The following SPRED2 variants were observed in gnomAD, a reference collection of about 807,000 sequenced individuals.
SPRED2 encodes the protein sprouty related EVH1 domain containing 2.
Under a neutral mutation model 43.0 loss-of-function variants are expected in SPRED2, and 47 were observed. That is an observed-to-expected ratio of 1.09 (90% CI 0.87 to 1.40). The LOEUF is 1.40. Among genes scored for constraint, SPRED2 ranks in the 40% most tolerant of loss-of-function variants. The pLI is 0.00. For missense variants in SPRED2, 561 were observed against 586.4 expected (o/e 0.96, Z 0.45); for synonymous variants, 225 against 225.7 (o/e 1.00, Z 0.03).
intron 1 of SPRED2, among the ~76,000 whole-genome samples, chr2:65,396,705 G>A (rs1558683422): frequency 6.6e-6 from 1 of 152,186 alleles, no homozygotes; most frequent in Non-Finnish European, 1.5e-5. Flanking sequence ...ACTATACAAA[G>A]TGAAGTGAAG....
chr2:65,310,308 C>T (rs1673034294), downstream of SPRED2, among the ~76,000 whole-genome samples: 1 of 152,112 alleles, frequency 6.6e-6, no homozygotes, highest in South Asian at 2.1e-4. Context: ...AGACCTCATA[C>T]TTTATTTCCT....
At chr2:65,337,086 C>A (rs890935125) in intron 2 of SPRED2, among the ~76,000 whole-genome samples, 3 of 151,558 alleles carry the variant, frequency 2.0e-5, no homozygotes, top group Admixed American at 6.6e-5. Flanking sequence ...CCAGCCTGGG[C>A]GAAAGAGCAA....
chr2:65,321,714 T>C (rs1018507127), intron 4 of SPRED2, among the ~76,000 whole-genome samples: 2 of 152,128 alleles, frequency 1.3e-5, no homozygotes, highest in Non-Finnish European at 2.9e-5. Context: ...ATCTGTAAAA[T>C]TGGGCCAAAA....
intron 1 of SPRED2, among the ~76,000 whole-genome samples, chr2:65,375,533 C>G (rs1194778921): frequency 2.6e-5 from 4 of 152,184 alleles, no homozygotes; most frequent in Non-Finnish European, 5.9e-5. Context: ...ATTAAAAGGA[C>G]AGCTCTCAAG....
At chr2:65,390,457 T>G (rs887548311) in intron 1 of SPRED2, among the ~76,000 whole-genome samples, 2 of 152,042 alleles carry the variant, frequency 1.3e-5, no homozygotes, top group Non-Finnish European at 2.9e-5. Context: ...ATCGTTACTG[T>G]TGAGAGAGGC....
At chr2:65,335,358 C>T (rs900965489) in intron 2 of SPRED2, among the ~76,000 whole-genome samples, 3 of 152,144 alleles carry the variant, frequency 2.0e-5, no homozygotes, top group African/African-American at 7.2e-5. Context: ...GTTGCTGCCA[C>T]CCTGATCTGG....
chr2:65,385,063 C>A (rs1221870666), intron 1 of SPRED2, among the ~76,000 whole-genome samples: 1 of 151,636 alleles, frequency 6.6e-6, no homozygotes, highest in Non-Finnish European at 1.5e-5. Context: ...ACCTCTGCCT[C>A]CCAGGTTCAA....
At chr2:65,401,937 G>GCACACA (rs1553426622) in intron 1 of SPRED2, among the ~76,000 whole-genome samples, 24 of 114,702 alleles carry the variant, frequency 2.1e-4, no homozygotes, top group African/African-American at 5.1e-4. Context: ...GCGCGCGCGC[G>GCACACA]CACACACACA....
At chr2:65,415,888 G>T (rs1029764114) in intron 1 of SPRED2, among the ~76,000 whole-genome samples, 2 of 152,136 alleles carry the variant, frequency 1.3e-5, no homozygotes, top group Non-Finnish European at 2.9e-5. Flanking sequence ...AACAAAGGGC[G>T]AAAGAAAAGG....
Position 65,334,766 on chromosome 2 carries a change from A to C in SPRED2, c.212T>G (p.Leu71Trp). ...CAAGTCCTTTCTTACATAGCATTCCAATACCACCTGAAGGATGGAAACACA... is the reference window on the plus strand; with the variant it reads ...CAAGTCCTTTCTTACATAGCATTCCCATACCACCTGAAGGATGGAAACACA... ...GERQKDKLVV[L>W]ECYVRKDLVY... Residue 71 changes from leucine to tryptophan, a missense_variant, in exon 3 of 6, where the codon TTG (leucine) becomes TGG (tryptophan). By Grantham distance (61) the Leu-to-Trp change is moderately conservative. Transcript: ENST00000356388. 6.2e-7 allele frequency: 1 copy of C among 1,614,214 alleles called. No individual in the cohort carries two copies. The highest frequency in any genetic ancestry group is 8.5e-7 in the Non-Finnish European group (1 of 1,180,034).
Position 65,313,538 on chromosome 2 carries a change from C to T in SPRED2, c.1220G>A (p.Cys407Tyr), listed in dbSNP as rs1422230015. 3 of 1,612,384 alleles carry T rather than the reference C, an allele frequency of 1.9e-6. No individual in the cohort carries two copies. Among genetic ancestry groups the T allele is most frequent in the Non-Finnish European group, 1.7e-6 (2 of 1,179,290 alleles). ...LRACYHCGVMCRCCGGKHKAA... is the reference protein window; with the variant it reads ...LRACYHCGVMYRCCGGKHKAA... ...TTTGTGCTTCCCGCCACAGCACCTG[C>T]ACATCACTCCGCAGTGGTAGCAGGC... The change falls in exon 6 of 6, where the codon TGC becomes TAC. Residue 407 changes from cysteine to tyrosine, a missense_variant. This residue lies in a region of SPRED2 where 10 missense variants were observed against 26.0 expected (regional missense o/e 0.38). Coordinates refer to ENST00000356388, the MANE Select transcript of SPRED2 (RefSeq NM_181784.3).
intron 1 of SPRED2, among the ~76,000 whole-genome samples, chr2:65,417,844 C>A (rs937872489): frequency 2.0e-5 from 3 of 152,210 alleles, no homozygotes; most frequent in Non-Finnish European, 4.4e-5. Flanking sequence ...CATTTTACTT[C>A]AGCGAGAAAG....
At chr2:65,415,015 C>T (rs1206032095) in intron 1 of SPRED2, among the ~76,000 whole-genome samples, 1 of 152,060 alleles carries the variant, frequency 6.6e-6, no homozygotes, top group Non-Finnish European at 1.5e-5. Flanking sequence ...CCAGGCTGGT[C>T]TTGAATTCCT....
intron 1 of SPRED2, among the ~76,000 whole-genome samples, chr2:65,408,820 C>T (rs1270383005): frequency 6.6e-6 from 1 of 152,148 alleles, no homozygotes. Flanking sequence ...ACTTTGTGAT[C>T]CGCCTGCCTT....
chr2:65,309,801 A>AGGGCGC (rs1443866900), downstream of SPRED2, among the ~76,000 whole-genome samples: 5 of 152,176 alleles, frequency 3.3e-5, no homozygotes, highest in Admixed American at 2.0e-4. Flanking sequence ...AGGCAGCCTG[A>AGGGCGC]GGGCGCCCCA....
rs539503757 is a variant in SPRED2 at position 65,384,133 on chromosome 2, T to C, written c.27-39237A>G. 2.0e-5 allele frequency among the ~76,000 whole-genome samples: 3 copies of C among 152,044 alleles called. No individual in the cohort carries two copies. In the East Asian group the frequency reaches 5.8e-4, roughly 30 times the overall value. The stretch of plus-strand genomic sequence containing the variant: ...AGCCTCAGCCACCTGCAACGGCCGC[T>C]CTCGGCCTCCTTCCCAGTGCCCAGA... On this transcript the variant is annotated intron_variant, in intron 1 of 5. Coordinates refer to ENST00000356388, the MANE Select transcript of SPRED2 (RefSeq NM_181784.3).
intron 1 of SPRED2, among the ~76,000 whole-genome samples, chr2:65,376,571 C>T (rs538657294): frequency 1.3e-5 from 2 of 152,286 alleles, no homozygotes; most frequent in South Asian, 4.1e-4. Flanking sequence ...GCCAGTGGTA[C>T]CCATTTCTTA....
intron 1 of SPRED2, among the ~76,000 whole-genome samples, chr2:65,385,203 C>T (rs576055563): frequency 2.6e-5 from 4 of 152,250 alleles, no homozygotes; most frequent in East Asian, 3.9e-4. Flanking sequence ...AACTCCTGAC[C>T]TCAGGTGATC....
At chr2:65,307,944 C>A (rs1228248446), downstream of SPRED2, among the ~76,000 whole-genome samples, 3 of 151,454 alleles carry the variant, frequency 2.0e-5, no homozygotes, top group Non-Finnish European at 4.4e-5. Flanking sequence ...CCTCCCCACA[C>A]CCCCCGCCCC....
Sources: allele counts gnomAD v4.1 joint callset (sites outside exome capture counted in the v4.1 genomes callset), GRCh38; gene constraint gnomAD v4.1.1; regional missense constraint gnomAD v4.1.1; transcripts MANE v1.5; gene names NCBI Gene and HGNC (gene_info 2026-07-23, HGNC 2026-07-21).